The following PDZRN4 variants were observed in gnomAD, a reference collection of about 807,000 sequenced individuals.
The protein encoded by PDZRN4 is PDZ domain containing ring finger 4, also known as PDZ domain-containing RING finger protein 4.
PDZRN4 carries 70 observed loss-of-function variants against 99.0 expected under a neutral mutation model. That is an observed-to-expected ratio of 0.71 (90% CI 0.58 to 0.86). The LOEUF (loss-of-function observed/expected upper bound fraction) is 0.86. PDZRN4 is among the 40% of genes least tolerant of loss of function. The probability of loss-of-function intolerance (pLI) is 0.00; values close to 1 mark genes in which losing one functional copy is unlikely to be tolerated. For synonymous variants in PDZRN4, 551 were observed against 501.6 expected, an observed-to-expected ratio of 1.10 and a Z score of -1.32; for missense variants, 1,474 against 1,331.2, an observed-to-expected ratio of 1.11 and a Z score of -1.67.
intron 3 of PDZRN4, among the ~76,000 whole-genome samples, chr12:41,504,225 G>T (rs1468159922): frequency 6.6e-6 from 1 of 151,996 alleles, no homozygotes; most frequent in Non-Finnish European, 1.5e-5. Context: ...CTGAGATCAC[G>T]CCACTGTACT....
At position 41,194,107 on chromosome 12, in the gene PDZRN4, AG is replaced by A. The variant is rs1950755093; in HGVS notation, c.764del (p.Gly255GlufsTer8). On this transcript the variant is annotated frameshift_variant, in exon 3 of 10. Coordinates refer to ENST00000402685, the MANE Select transcript of PDZRN4 (RefSeq NM_001164595.2). LOFTEE classifies it high-confidence loss of function. ...ATAATCAGGAAGGAACATCGACTGA[AG>A]GAATTTACGTTTCAAAAATTTTAGA... is the stretch of plus-strand genomic sequence containing the variant. The part of the protein sequence containing the change: ...QNNQEGTSTE[G>X]IYVSKILENG... 1 of 1,540,418 alleles carries A rather than the reference AG, an allele frequency of 6.5e-7. No individual in the cohort carries two copies. Among genetic ancestry groups the A allele is most frequent in the South Asian group, 1.1e-5 (1 of 89,840 alleles).
chr12:41,573,548 T>G lies in PDZRN4; in HGVS notation c.2769T>G (p.Ser923Arg). The G allele has an allele frequency of 1.2e-6, 2 of 1,613,426 alleles. No homozygotes were observed. Among genetic ancestry groups the G allele is most frequent in the Non-Finnish European group, 1.7e-6 (2 of 1,179,882 alleles). ...ERALKIKEERSGMTTDDDTMS... is the reference protein window; with the variant it reads ...ERALKIKEERRGMTTDDDTMS... Reference sequence around the variant, plus strand: ...CCTTAAAGATCAAGGAAGAGCGGAGTGGCATGACCACAGACGATGACACCA... The same window carrying G: ...CCTTAAAGATCAAGGAAGAGCGGAGGGGCATGACCACAGACGATGACACCA... Residue 923 changes from serine to arginine, a missense_variant, in exon 10 of 10, where the codon AGT becomes AGG. Ser to Arg is a moderately radical substitution (Grantham distance 110). Transcript: ENST00000402685.
At chr12:41,455,851 A>G (rs1952813237) in intron 3 of PDZRN4, among the ~76,000 whole-genome samples, 1 of 152,180 alleles carries the variant, frequency 6.6e-6, no homozygotes, top group Non-Finnish European at 1.5e-5. Context: ...CCCAGTAGGG[A>G]TATTACAGGC....
At chr12:41,567,496 C>T (rs147792818) in intron 8 of PDZRN4, among the ~76,000 whole-genome samples, 3 of 151,990 alleles carry the variant, frequency 2.0e-5, no homozygotes, top group African/African-American at 7.2e-5. Context: ...ATGCAGGATG[C>T]TTTTCATACA....
At chr12:41,509,305 AAG>A (rs1453029023) in intron 4 of PDZRN4, among the ~76,000 whole-genome samples, 1 of 152,132 alleles carries the variant, frequency 6.6e-6, no homozygotes, top group Admixed American at 6.6e-5. Context: ...GATCTTAAGA[AAG>A]AGAGGAGGGG....
chr12:41,219,999 G>A (rs1351216987), intron 3 of PDZRN4, among the ~76,000 whole-genome samples: 1 of 152,092 alleles, frequency 6.6e-6, no homozygotes, highest in Non-Finnish European at 1.5e-5. Flanking sequence ...AAAATGCAAA[G>A]GAGACAAGAC....
intron 3 of PDZRN4, among the ~76,000 whole-genome samples, chr12:41,229,762 C>T (rs557782879): frequency 1.8e-4 from 28 of 152,098 alleles, no homozygotes; most frequent in African/African-American, 6.5e-4. Flanking sequence ...GAGAGATTTC[C>T]CATTTTATTA....
intron 3 of PDZRN4, among the ~76,000 whole-genome samples, chr12:41,257,765 A>G (rs1271333398): frequency 6.6e-6 from 1 of 152,198 alleles, no homozygotes; most frequent in Non-Finnish European, 1.5e-5. Flanking sequence ...TGGAGGAGAT[A>G]TTCTCAAATG....
intron 3 of PDZRN4, among the ~76,000 whole-genome samples, chr12:41,299,952 CTT>C (rs911945402): frequency 4.6e-5 from 7 of 151,852 alleles, no homozygotes; most frequent in South Asian, 2.1e-4. Context: ...TAAAAATAGA[CTT>C]AGTGCATATA....
At chr12:41,424,547 AT>A in intron 3 of PDZRN4, among the ~76,000 whole-genome samples, 1 of 152,312 alleles carries the variant, frequency 6.6e-6, no homozygotes, top group South Asian at 2.1e-4. Flanking sequence ...ACTTGGTTCA[AT>A]GGATTGAATT....
intron 3 of PDZRN4, among the ~76,000 whole-genome samples, chr12:41,197,808 C>T (rs1950783441): frequency 6.6e-6 from 1 of 152,052 alleles, no homozygotes; most frequent in African/African-American, 2.4e-5. Context: ...GTTAGGATGC[C>T]TAAGTGGTAT....
At position 41,416,416 on chromosome 12, in the gene PDZRN4, C is replaced by T. The variant is rs189563331; in HGVS notation, c.844-90040C>T. Among the ~76,000 whole-genome samples, 315 of 152,026 alleles carry T rather than the reference C, an allele frequency of 2.1e-3. 1 individual carries two copies. Among genetic ancestry groups the T allele is most frequent in the South Asian group, 0.018 (89 of 4,816 alleles). On this transcript the variant is annotated intron_variant, in intron 3 of 9. Coordinates refer to ENST00000402685, the MANE Select transcript of PDZRN4 (RefSeq NM_001164595.2). ...TCCCAGCACTTTGGAAGGCTGAGGC[C>T]GGTGGATCACCTGAGGTCAGGAGTT...
chr12:41,336,108 C>T (rs202209798), intron 3 of PDZRN4, among the ~76,000 whole-genome samples: 3 of 152,042 alleles, frequency 2.0e-5, no homozygotes, highest in Non-Finnish European at 4.4e-5. Context: ...TTATTGCATG[C>T]GGACGCAACA....
chr12:41,226,098 C>A (rs1261442881), intron 3 of PDZRN4, among the ~76,000 whole-genome samples: 1 of 151,634 alleles, frequency 6.6e-6, no homozygotes, highest in African/African-American at 2.4e-5. Flanking sequence ...TTTTTTAACA[C>A]AAAGCCCTTG....
intron 3 of PDZRN4, among the ~76,000 whole-genome samples, chr12:41,220,606 G>T (rs979480591): frequency 2.0e-5 from 3 of 152,132 alleles, no homozygotes; most frequent in African/African-American, 7.2e-5. Flanking sequence ...GCTCCGAGAG[G>T]AGCTGATGCC....
At chr12:41,340,083 C>A (rs1323035596) in intron 3 of PDZRN4, among the ~76,000 whole-genome samples, 2 of 151,806 alleles carry the variant, frequency 1.3e-5, no homozygotes, top group Admixed American at 1.3e-4. Context: ...GAGTATATAC[C>A]CAAAAGAAAG....
At chr12:41,410,841 T>G (rs1338127882) in intron 3 of PDZRN4, among the ~76,000 whole-genome samples, 1 of 152,082 alleles carries the variant, frequency 6.6e-6, no homozygotes, top group African/African-American at 2.4e-5. Context: ...TCAAATCTGC[T>G]TAGGAATTTG....
intron 3 of PDZRN4, among the ~76,000 whole-genome samples, chr12:41,462,439 A>G (rs1252588365): frequency 5.9e-5 from 9 of 152,342 alleles, no homozygotes; most frequent in East Asian, 1.9e-4. Flanking sequence ...GTCATTGATC[A>G]TTAGTCACAA....
At chr12:41,563,457 A>T in intron 7 of PDZRN4, 91 bp from the exon 8 acceptor site, 1 of 922,354 alleles carries the variant, frequency 1.1e-6, no homozygotes, top group Non-Finnish European at 1.7e-6. Flanking sequence ...CATTGTCCAT[A>T]CATTTACCAT....
Sources: gnomAD v4.1 joint callset for allele counts (sites outside exome capture counted in the v4.1 genomes callset) on GRCh38, gnomAD v4.1.1 for gene constraint, MANE v1.5 for transcripts, NCBI Gene and HGNC (gene_info 2026-07-23, HGNC 2026-07-21) for gene names.